The following KITLG variants were observed in gnomAD, a reference collection of about 807,000 sequenced individuals.
KITLG encodes the protein c-Kit ligand.
A neutral mutation model predicts 34.1 loss-of-function variants in KITLG; 13 were observed. The observed-to-expected ratio is 0.38, with a 90% CI of 0.25 to 0.61. KITLG has a LOEUF of 0.61. KITLG is among the 20% of genes least tolerant of loss of function. The probability of loss-of-function intolerance (pLI) is 0.60; values close to 1 mark genes in which losing one functional copy is unlikely to be tolerated. For missense variants in KITLG, 292 were observed against 318.9 expected, an observed-to-expected ratio of 0.92 and a Z score of 0.64; for synonymous variants, 110 against 104.0, an observed-to-expected ratio of 1.06 and a Z score of -0.35.
chr12:88,524,595 T>G (rs774433592), intron 3 of KITLG, among the ~76,000 whole-genome samples: 1 of 148,642 alleles, frequency 6.7e-6, no homozygotes, highest in East Asian at 2.0e-4. Context: ...TTTTTATTTA[T>G]TTTTTTTTTA....
chr12:88,576,742 A>G (rs1474186061), intron 1 of KITLG, among the ~76,000 whole-genome samples: 1 of 152,130 alleles, frequency 6.6e-6, no homozygotes, highest in Non-Finnish European at 1.5e-5. Context: ...ATATGCTCAG[A>G]TATGGTTTAT....
chr12:88,534,284 T>C (rs534523355), intron 2 of KITLG, among the ~76,000 whole-genome samples: 1 of 152,276 alleles, frequency 6.6e-6, no homozygotes, highest in South Asian at 2.1e-4. Flanking sequence ...CTACACCCTC[T>C]GGGCACTTGT....
At chr12:88,501,649 A>T (rs1868862137) in intron 9 of KITLG, among the ~76,000 whole-genome samples, 1 of 151,998 alleles carries the variant, frequency 6.6e-6, no homozygotes, top group Admixed American at 6.6e-5. Flanking sequence ...ATATACACAC[A>T]TTTTTACTTT....
At chr12:88,518,658 A>C (rs1466494477) in intron 4 of KITLG, 39 bp downstream of exon 4, 1 of 1,524,966 alleles carries the variant, frequency 6.6e-7, no homozygotes, top group Non-Finnish European at 9.1e-7. Flanking sequence ...GTTTTTAGAG[A>C]AGCGTAATGA....
chr12:88,506,164 A>T (rs1185904105), intron 8 of KITLG, 147 bp downstream of exon 8: 1 of 676,636 alleles, frequency 1.5e-6, no homozygotes, highest in East Asian at 2.6e-5. Flanking sequence ...AGAGTGAGAC[A>T]TCAGAAACAT....
At chr12:88,541,744 A>G (rs1189266733) in intron 2 of KITLG, among the ~76,000 whole-genome samples, 1 of 152,236 alleles carries the variant, frequency 6.6e-6, no homozygotes, top group Non-Finnish European at 1.5e-5. Flanking sequence ...TATGCTTAGT[A>G]AACAGGCCAG....
At position 88,493,158 on chromosome 12, in the gene KITLG, A is replaced by G. The variant is rs1238607779; in HGVS notation, c.*4061T>C. On this transcript the variant is annotated 3_prime_UTR_variant, in exon 10 of 10. Coordinates refer to ENST00000644744, the MANE Select transcript of KITLG (RefSeq NM_000899.5). ...TATTAACCCTTAGAATATAGAATAGAATATTTTGATTGGAAAATTATATTT... is the reference window on the plus strand; with the variant it reads ...TATTAACCCTTAGAATATAGAATAGGATATTTTGATTGGAAAATTATATTT... The G allele has an allele frequency of 6.6e-6, 1 of 152,364 alleles. No homozygotes were observed. Among genetic ancestry groups the G allele is most frequent in the East Asian group, 1.9e-4 (1 of 5,192 alleles). 9.4% of individuals were successfully genotyped at this position (152,364 alleles called of 1,614,324 possible).
chr12:88,516,207 T>C (rs1391286734), intron 5 of KITLG, 127 bp downstream of exon 5: 7 of 799,098 alleles, frequency 8.8e-6, no homozygotes, highest in Middle Eastern at 3.6e-4. Flanking sequence ...GCTATTGATA[T>C]CTGCTTTTTT....
intron 1 of KITLG, among the ~76,000 whole-genome samples, chr12:88,553,154 C>G (rs934534210): frequency 3.3e-5 from 5 of 152,088 alleles, no homozygotes; most frequent in Non-Finnish European, 5.9e-5. Flanking sequence ...GTTCACACAC[C>G]TTTTTCATTT....
chr12:88,516,869 G>T (rs1869479466), intron 4 of KITLG, among the ~76,000 whole-genome samples: 1 of 148,388 alleles, frequency 6.7e-6, no homozygotes. Context: ...ACACCATAAT[G>T]CATGCTCTAA....
chr12:88,560,780 C>A (rs1011366511), intron 1 of KITLG, among the ~76,000 whole-genome samples: 4 of 151,762 alleles, frequency 2.6e-5, no homozygotes, highest in African/African-American at 9.7e-5. Flanking sequence ...CCAGCCTGGC[C>A]AACACAGTGA....
intron 2 of KITLG, among the ~76,000 whole-genome samples, chr12:88,535,229 T>A (rs1870263774): frequency 6.6e-6 from 1 of 152,062 alleles, no homozygotes; most frequent in African/African-American, 2.4e-5. Context: ...AGTTCCCTGA[T>A]AAAAACACTG....
chr12:88,506,809 AT>A (rs1401924930), intron 7 of KITLG, among the ~76,000 whole-genome samples: 1 of 152,212 alleles, frequency 6.6e-6, no homozygotes, highest in African/African-American at 2.4e-5. Flanking sequence ...AGTTCAGGCT[AT>A]TAACACCAGT....
At position 88,493,695 on chromosome 12, in the gene KITLG, C is replaced by G. The variant is rs1392213268; in HGVS notation, c.*3524G>C. 1.3e-5 allele frequency: 2 copies of G among 151,846 alleles called. No individual in the cohort carries two copies. The highest frequency in any genetic ancestry group is 2.9e-5 in the Non-Finnish European group (2 of 67,834). 9.4% of individuals were successfully genotyped at this position (151,846 alleles called of 1,614,324 possible). ...TCATGAGCATTTTACATTTTCTGCT[C>G]TTAGTTTTCAATAAAATGAGAAGAT... On this transcript the variant is annotated 3_prime_UTR_variant, in exon 10 of 10. Coordinates refer to ENST00000644744, the MANE Select transcript of KITLG (RefSeq NM_000899.5).
intron 6 of KITLG, among the ~76,000 whole-genome samples, chr12:88,511,458 T>C (rs1869275134): frequency 6.6e-6 from 1 of 152,108 alleles, no homozygotes; most frequent in African/African-American, 2.4e-5. Flanking sequence ...CAAGGACCAA[T>C]GGCCTCACTA....
intron 1 of KITLG, among the ~76,000 whole-genome samples, chr12:88,562,520 G>A (rs1484913113): frequency 3.3e-5 from 5 of 152,268 alleles, no homozygotes; most frequent in East Asian, 3.9e-4. Context: ...GAAGCCCCTC[G>A]TAAATATATT....
intron 5 of KITLG, 139 bp from the exon 6 acceptor site, chr12:88,515,756 A>C (rs2120833362): frequency 2.9e-6 from 2 of 681,690 alleles, no homozygotes; most frequent in Middle Eastern, 6.8e-4. Context: ...TATTTATTTC[A>C]TACTGGGTCC....
chr12:88,517,078 A>G (rs1869486814), intron 4 of KITLG, among the ~76,000 whole-genome samples: 1 of 151,940 alleles, frequency 6.6e-6, no homozygotes, highest in Non-Finnish European at 1.5e-5. Flanking sequence ...CATATAAAAA[A>G]GTTTTTTTGC....
rs887515485 is a variant in KITLG at position 88,494,509 on chromosome 12, G to A, written c.*2710C>T. The A allele has an allele frequency of 4.6e-5, 7 of 152,284 alleles. No individual in the cohort carries two copies. The highest frequency in any genetic ancestry group is 2.0e-4 in the Admixed American group (3 of 15,204). 9.4% of individuals were successfully genotyped at this position (152,284 alleles called of 1,614,324 possible). On this transcript the variant is annotated 3_prime_UTR_variant, in exon 10 of 10. Coordinates refer to ENST00000644744, the MANE Select transcript of KITLG (RefSeq NM_000899.5). ...TTTCACATACTTTTTAAGAGAATAG[G>A]CTACTTGTTCTATTATTGTATTGAA...
Sources: gnomAD v4.1 joint callset for allele counts (sites outside exome capture counted in the v4.1 genomes callset) on GRCh38, gnomAD v4.1.1 for gene constraint, MANE v1.5 for transcripts, NCBI Gene and HGNC (gene_info 2026-07-23, HGNC 2026-07-21) for gene names.